Variants in SLC38A4 observed in about 807,000 individuals in gnomAD.
SLC38A4 encodes the protein sodium-coupled neutral amino acid transporter 4.
Under a neutral mutation model 63.1 loss-of-function variants are expected in SLC38A4, and 20 were observed. That is an observed-to-expected ratio of 0.32 (90% CI 0.22 to 0.46). The LOEUF (loss-of-function observed/expected upper bound fraction) is 0.46. SLC38A4 is among the 20% of genes least tolerant of loss of function. The pLI is 1.00. For synonymous variants in SLC38A4, 230 were observed against 225.5 expected, an observed-to-expected ratio of 1.02 and a Z score of -0.18; for missense variants, 526 against 663.6, an observed-to-expected ratio of 0.79 and a Z score of 2.28.
chr12:46,768,462 AG>A, intron 15 of SLC38A4, 55 bp from the exon 16 acceptor site: 1 of 1,265,894 alleles, frequency 7.9e-7, no homozygotes, highest in South Asian at 1.3e-5. Context: ...TTCCTAGCAA[AG>A]GAGATGCCAG....
Position 46,775,166 on chromosome 12 carries a change from A to G in SLC38A4, c.1182T>C (p.Val394=), listed in dbSNP as rs1284606378. The G allele has an allele frequency of 6.2e-7, 1 of 1,611,440 alleles. No individual in the cohort carries two copies. Among genetic ancestry groups the G allele is most frequent in the Non-Finnish European group, 8.5e-7 (1 of 1,178,578 alleles). ...LFGYLTFYGE[V]EDELLHAYSK... ...TGTAGGCATGAAGTAATTCATCTTC[A>G]ACTTCTCCTACAACAGGAAAAAGAG... The change falls in exon 14 of 17, where the codon GTT becomes GTC. Residue 394 remains valine (V), a synonymous_variant. Coordinates refer to ENST00000266579, the MANE Select transcript of SLC38A4 (RefSeq NM_018018.5).
Position 46,796,029 on chromosome 12 carries a change from T to C in SLC38A4, c.-112-2846A>G, listed in dbSNP as rs112426612. Among the ~76,000 whole-genome samples, 416 of 152,284 alleles carry C rather than the reference T, an allele frequency of 2.7e-3. 2 individuals carry two copies. The highest frequency in any genetic ancestry group is 9.5e-3 in the African/African-American group (394 of 41,582). On this transcript the variant is annotated intron_variant, in intron 2 of 16. Coordinates refer to ENST00000266579, the MANE Select transcript of SLC38A4 (RefSeq NM_018018.5). ...CCCCTTTGTTTACTCCTGAAACTTT[T>C]ATTAATCAGGTATTGGACCTCTTGA...
chr12:46,804,521 A>C (rs142346965), intron 1 of SLC38A4, among the ~76,000 whole-genome samples: 2 of 152,174 alleles, frequency 1.3e-5, no homozygotes, highest in East Asian at 3.9e-4. Flanking sequence ...TATTTATGAC[A>C]TGAATGAACA....
intron 12 of SLC38A4, among the ~76,000 whole-genome samples, chr12:46,777,942 A>G (rs977624862): frequency 6.6e-6 from 1 of 152,010 alleles, no homozygotes; most frequent in African/African-American, 2.4e-5. Context: ...TTTGGTCGTC[A>G]TGGGTGTTTT....
intron 1 of SLC38A4, among the ~76,000 whole-genome samples, chr12:46,808,893 G>A (rs1311943058): frequency 6.6e-6 from 1 of 152,024 alleles, no homozygotes; most frequent in Non-Finnish European, 1.5e-5. Context: ...GACTCACCTT[G>A]TTAACGTAAG....
chr12:46,767,724 A>G (rs1183161551), intron 16 of SLC38A4, among the ~76,000 whole-genome samples: 1 of 152,152 alleles, frequency 6.6e-6, no homozygotes, highest in Admixed American at 6.6e-5. Context: ...CCTTATTGGA[A>G]AAACAATTAT....
chr12:46,830,298 T>TCTCACACACACACA (rs1180274940), upstream of SLC38A4, among the ~76,000 whole-genome samples: 2 of 148,296 alleles, frequency 1.3e-5, no homozygotes, highest in African/African-American at 5.0e-5. Context: ...TCTCTCTCTC[T>TCTCACACACACACA]CACACACACA....
chr12:46,795,042 C>T (rs1295292128), intron 2 of SLC38A4, among the ~76,000 whole-genome samples: 2 of 151,818 alleles, frequency 1.3e-5, no homozygotes, highest in African/African-American at 2.4e-5. Flanking sequence ...TCATTCTTCA[C>T]ACAGTACCAG....
chr12:46,814,988 G>C, intron 1 of SLC38A4, among the ~76,000 whole-genome samples: 1 of 151,642 alleles, frequency 6.6e-6, no homozygotes, highest in South Asian at 2.1e-4. Context: ...TTAGAAATGA[G>C]GAGTTTTATT....
rs117387470 is a variant in SLC38A4, at chr12:46,813,469, C to T, written c.-304-9675G>A. ...ACTCTGGAGTTCAAACTCAAGGATT[C>T]GGATCCAATCCCCACTCTGCTGCCT... On this transcript the variant is annotated intron_variant, in intron 1 of 16. Transcript: ENST00000266579. Among the ~76,000 whole-genome samples, 116 of 152,056 alleles carry T rather than the reference C, an allele frequency of 7.6e-4. 1 individual carries two copies. The East Asian group carries it at 0.02, about 26-fold the overall frequency.
chr12:46,780,625 C>A (rs1480178863), intron 7 of SLC38A4, among the ~76,000 whole-genome samples: 1 of 151,522 alleles, frequency 6.6e-6, no homozygotes, highest in African/African-American at 2.4e-5. Context: ...CCCCCCTCTT[C>A]ATCTTACTCT....
At chr12:46,824,794 A>T (rs1939614296) in intron 1 of SLC38A4, among the ~76,000 whole-genome samples, 1 of 152,214 alleles carries the variant, frequency 6.6e-6, no homozygotes, top group Admixed American at 6.5e-5. Flanking sequence ...AACAAGGGAG[A>T]TCTTATGCAA....
intron 1 of SLC38A4, among the ~76,000 whole-genome samples, chr12:46,807,769 C>T (rs1433812481): frequency 6.6e-6 from 1 of 151,902 alleles, no homozygotes; most frequent in Non-Finnish European, 1.5e-5. Context: ...TTATTTGTAT[C>T]ACTTGTAAAG....
intron 12 of SLC38A4, 59 bp from the exon 13 acceptor site, chr12:46,777,063 T>C: frequency 7.3e-7 from 1 of 1,370,160 alleles, no homozygotes; most frequent in South Asian, 1.2e-5. Context: ...AAATCACTTT[T>C]CAAAATGAAA....
chr12:46,819,936 C>T (rs1478792506), intron 1 of SLC38A4, among the ~76,000 whole-genome samples: 1 of 151,884 alleles, frequency 6.6e-6, no homozygotes, highest in African/African-American at 2.4e-5. Flanking sequence ...ATAATGATGA[C>T]TCCGAGGCAC....
chr12:46,822,003 CTGATTTTGTATGT>C (rs1365918615), intron 1 of SLC38A4, among the ~76,000 whole-genome samples: 1 of 152,016 alleles, frequency 6.6e-6, no homozygotes, highest in Non-Finnish European at 1.5e-5. Context: ...AGAAATCTAA[CTGATTTTGTATGT>C]TGATTTTGTA....
chr12:46,800,662 TCTTA>T (rs967545187), intron 2 of SLC38A4, among the ~76,000 whole-genome samples: 24 of 152,204 alleles, frequency 1.6e-4, no homozygotes, highest in South Asian at 4.2e-4. Flanking sequence ...TTATCACACT[TCTTA>T]CTTACTCTTT....
At chr12:46,778,236 A>G (rs1444193168) in intron 12 of SLC38A4, 53 bp downstream of exon 12, 1 of 1,539,748 alleles carries the variant, frequency 6.5e-7, no homozygotes. Context: ...ATCTTTGAAC[A>G]TATGAGCAGA....
intron 7 of SLC38A4, 142 bp from the exon 8 acceptor site, chr12:46,780,172 C>T: frequency 4.6e-6 from 3 of 652,772 alleles, no homozygotes; most frequent in Middle Eastern, 4.2e-4. Flanking sequence ...GCACTGCTTC[C>T]AAGTTCTCTT....
Sources: gnomAD v4.1 joint callset for allele counts (sites outside exome capture counted in the v4.1 genomes callset) on GRCh38, gnomAD v4.1.1 for gene constraint, MANE v1.5 for transcripts, NCBI Gene and HGNC (gene_info 2026-07-23, HGNC 2026-07-21) for gene names.